The following NTRK3 variants were observed in gnomAD, a reference collection of about 807,000 sequenced individuals.
The protein encoded by NTRK3 is neurotrophic receptor tyrosine kinase 3.
NTRK3 carries 24 observed loss-of-function variants against 91.7 expected under a neutral mutation model. The observed-to-expected ratio is 0.26, with a 90% confidence interval of 0.19 to 0.37. The LOEUF is 0.37. Among genes scored for constraint, NTRK3 ranks in the 10% least tolerant of loss-of-function variants. The pLI is 1.00. For missense variants in NTRK3, 880 were observed against 1,068.9 expected (o/e 0.82, Z 2.46); for synonymous variants, 483 against 404.0 (o/e 1.20, Z -2.34).
At chr15:88,147,275 C>T in intron 6 of NTRK3, 60 bp downstream of exon 6, 1 of 1,492,544 alleles carries the variant, frequency 6.7e-7, no homozygotes. Flanking sequence ...CTTGACACTC[C>T]TCCCCATCCA....
intron 17 of NTRK3, among the ~76,000 whole-genome samples, chr15:87,896,997 G>C (rs775239835): frequency 1.3e-5 from 2 of 152,160 alleles, no homozygotes; most frequent in African/African-American, 2.4e-5. Context: ...TTATAGTATT[G>C]CTCCCTCAGA....
At chr15:88,066,605 G>A (rs1452440086) in intron 13 of NTRK3, among the ~76,000 whole-genome samples, 6 of 152,192 alleles carry the variant, frequency 3.9e-5, no homozygotes, top group African/African-American at 1.4e-4. Flanking sequence ...GAAGAACAGA[G>A]ACAAGGGAGG....
rs116435356 is a variant in NTRK3 at position 88,079,810 on chromosome 15, G to A, written c.1396+46461C>T. Reference sequence around the variant, plus strand: ...ATTAAATCCCTAACTTGAAGATGGCGAAAGAAAAGCACGAAGAAAATAAAA... The same window carrying A: ...ATTAAATCCCTAACTTGAAGATGGCAAAAGAAAAGCACGAAGAAAATAAAA... On this transcript the variant is annotated intron_variant, in intron 13 of 18. Coordinates refer to ENST00000394480, the Ensembl canonical transcript of NTRK3. Among the ~76,000 whole-genome samples, 1,232 of 152,172 alleles carry A rather than the reference G, an allele frequency of 8.1e-3. 13 individuals are homozygous for A. Among genetic ancestry groups the A allele is most frequent in the African/African-American group, 0.026 (1,082 of 41,510 alleles).
intron 13 of NTRK3, among the ~76,000 whole-genome samples, chr15:88,042,350 G>A (rs953454816): frequency 6.6e-6 from 1 of 152,192 alleles, no homozygotes; most frequent in South Asian, 2.1e-4. Context: ...CACGGGCTGT[G>A]CTCAAGAACA....
intron 3 of NTRK3, among the ~76,000 whole-genome samples, chr15:88,232,873 C>T (rs1028821972): frequency 1.3e-5 from 2 of 152,178 alleles, no homozygotes; most frequent in Non-Finnish European, 1.5e-5. Context: ...AGTGATGTCA[C>T]TACCCCCACA....
At chr15:88,054,239 T>C (rs2045488756) in intron 13 of NTRK3, among the ~76,000 whole-genome samples, 1 of 152,204 alleles carries the variant, frequency 6.6e-6, no homozygotes, top group Admixed American at 6.5e-5. Context: ...AATAATAACA[T>C]TAGTAACTAC....
In NTRK3 at chr15:88,243,961, C is replaced by G. The variant is rs2052600245; in HGVS notation, c.248+11945G>C. On this transcript the variant is annotated intron_variant, in intron 3 of 18. Transcript: ENST00000394480. This position sits in a 1 kb window ranked among gnomAD's most constrained non-coding sequence, Gnocchi z 4.8. The stretch of plus-strand genomic sequence containing the variant: ...TAGCAGTTGAAGGGGAGAAATTCTG[C>G]TAATGAAACCTCTGAAGCCAATATC... 6.6e-6 allele frequency among the ~76,000 whole-genome samples: 1 copy of G among 152,198 alleles called. No individual in the cohort carries two copies. The highest frequency in any genetic ancestry group is 2.1e-4 in the South Asian group (1 of 4,820).
At chr15:87,986,878 G>C (rs1291178856) in intron 14 of NTRK3, among the ~76,000 whole-genome samples, 1 of 152,244 alleles carries the variant, frequency 6.6e-6, no homozygotes, top group Non-Finnish European at 1.5e-5. Context: ...AACTCTGCCA[G>C]TATAGTCTGA....
At chr15:88,072,966 C>A (rs59591219) in intron 13 of NTRK3, 3,606 of 215,544 alleles carry the variant, frequency 0.017, 95 homozygotes, top group African/African-American at 0.066. Context: ...TTATTCAATC[C>A]TCACAACAAT....
chr15:88,057,700 C>A (rs2045847989), intron 13 of NTRK3, among the ~76,000 whole-genome samples: 1 of 152,202 alleles, frequency 6.6e-6, no homozygotes. Flanking sequence ...TGCTCTGCCC[C>A]TGGGGGCTGT....
chr15:87,902,299 C>T (rs749973315), intron 17 of NTRK3, among the ~76,000 whole-genome samples: 10 of 152,362 alleles, frequency 6.6e-5, no homozygotes, highest in Middle Eastern at 6.8e-3. Flanking sequence ...GATAATTTCT[C>T]ACCTCATCAG....
At position 88,137,616 on chromosome 15, in the gene NTRK3, C is replaced by T. The variant is rs558229457; in HGVS notation, c.465-55G>A. 121 of 1,585,848 alleles carry T rather than the reference C, an allele frequency of 7.6e-5. 1 individual carries two copies. The African/African-American group carries it at 1.3e-3, about 18-fold the overall frequency. ...CTCTGAACCGAAGATGGCCCAGGAC[C>T]CTCCCAGGGCTATGAGGACAAGGGG... On this transcript the variant is annotated intron_variant, in intron 6 of 18. Coordinates refer to ENST00000394480, the Ensembl canonical transcript of NTRK3.
At chr15:87,900,353 G>A (rs1040793254) in intron 17 of NTRK3, among the ~76,000 whole-genome samples, 1 of 152,112 alleles carries the variant, frequency 6.6e-6, no homozygotes, top group South Asian at 2.1e-4. Context: ...TTAGCATCCT[G>A]GAATGGGGAC....
chr15:88,061,078 T>C (rs550905621), intron 13 of NTRK3, among the ~76,000 whole-genome samples: 1 of 152,304 alleles, frequency 6.6e-6, no homozygotes, highest in Admixed American at 6.5e-5. Context: ...TGTTGAAATA[T>C]TTAATACTTC....
exon 5 of NTRK3, chr15:88,183,472 C>T (rs1172635262): frequency 3.1e-6 from 5 of 1,614,102 alleles, no homozygotes; most frequent in Non-Finnish European, 4.2e-6. Flanking sequence ...GCTCCGAAGT[C>T]CTGAGTTCTT....
At chr15:88,094,091 G>A (rs1311560056) in intron 13 of NTRK3, among the ~76,000 whole-genome samples, 2 of 152,092 alleles carry the variant, frequency 1.3e-5, no homozygotes, top group Non-Finnish European at 2.9e-5. Flanking sequence ...TGGCTCCTTG[G>A]CAAGTCTTTA....
chr15:88,218,458 C>G (rs981662847), intron 3 of NTRK3, among the ~76,000 whole-genome samples: 3 of 152,222 alleles, frequency 2.0e-5, no homozygotes, highest in Admixed American at 6.5e-5. Flanking sequence ...TACATTTCCT[C>G]CTCTGTAAAA....
At chr15:88,136,676 TG>T in intron 7 of NTRK3, 67 bp from the exon 8 acceptor site, 1 of 1,559,606 alleles carries the variant, frequency 6.4e-7, no homozygotes, top group African/African-American at 1.4e-5. Context: ...GCTCTGTCCA[TG>T]GGGCTGATGG....
chr15:88,041,350 C>A (rs1333843680), intron 13 of NTRK3, among the ~76,000 whole-genome samples: 1 of 152,196 alleles, frequency 6.6e-6, no homozygotes, highest in Admixed American at 6.5e-5. Flanking sequence ...CTTCCCAACT[C>A]AGAAGCCCTC....
Sources: allele counts gnomAD v4.1 joint callset (sites outside exome capture counted in the v4.1 genomes callset), GRCh38; gene constraint gnomAD v4.1.1; non-coding constraint Gnocchi (gnomAD v3.1); transcripts MANE v1.5; gene names NCBI Gene and HGNC (gene_info 2026-07-23, HGNC 2026-07-21).